EHBP1: variants seen among roughly 807,000 people sequenced by gnomAD.
The protein encoded by EHBP1 is EH domain-binding protein 1.
EHBP1 carries 55 observed loss-of-function variants against 144.0 expected under a neutral mutation model. The observed-to-expected ratio is 0.38, with a 90% confidence interval of 0.31 to 0.48. The LOEUF is 0.48. Ranked by LOEUF, EHBP1 falls within the 20% of genes least tolerant of loss-of-function variation. The pLI is 0.98. For synonymous variants in EHBP1, 469 were observed against 472.7 expected, an observed-to-expected ratio of 0.99 and a Z score of 0.10; for missense variants, 1,200 against 1,364.2, an observed-to-expected ratio of 0.88 and a Z score of 1.90.
chr2:62,806,126 T>G (rs2044437852), intron 5 of EHBP1, among the ~76,000 whole-genome samples: 1 of 152,104 alleles, frequency 6.6e-6, no homozygotes. Flanking sequence ...AGTACAGGCA[T>G]GTACCACCAT....
At chr2:63,038,224 G>C (rs1259397043) in intron 20 of EHBP1, among the ~76,000 whole-genome samples, 1 of 152,038 alleles carries the variant, frequency 6.6e-6, no homozygotes, top group Non-Finnish European at 1.5e-5. Flanking sequence ...ATGCCACCTA[G>C]CGTGAGAATG....
At chr2:62,909,623 G>A (rs2054051626) in intron 10 of EHBP1, among the ~76,000 whole-genome samples, 2 of 152,234 alleles carry the variant, frequency 1.3e-5, no homozygotes, top group South Asian at 4.1e-4. Context: ...AGGTGGAAAT[G>A]TCAGCTGGCA....
chr2:62,906,282 A>G (rs901850582), intron 10 of EHBP1, among the ~76,000 whole-genome samples: 2 of 151,042 alleles, frequency 1.3e-5, no homozygotes, highest in African/African-American at 4.9e-5. Context: ...GTGTCCGTCT[A>G]TTTTCAGACT....
chr2:63,045,129 T>C lies in EHBP1; in HGVS notation c.3341T>C (p.Leu1114Pro). The C allele has an allele frequency of 6.3e-7, 1 of 1,598,078 alleles. No homozygotes were observed. The highest frequency in any genetic ancestry group is 1.3e-5 in the African/African-American group (1 of 74,720). ...EQLLLDELVA[L>P]VNKRDALVRD... ...CTTCTGCTAGATGAGCTGGTGGCCC[T>C]GGTGAACAAGCGCGATGCGCTCGTC... The change falls in exon 22 of 23, where the codon CTG (leucine) becomes CCG (proline). Residue 1114 changes from leucine (L) to proline (P), a missense_variant. By Grantham distance (98) the Leu-to-Pro change is moderately conservative (BLOSUM62 -3). This residue lies in a region of EHBP1 where 149 missense variants were observed against 217.0 expected (regional missense o/e 0.69). Transcript: ENST00000431489. The surrounding 1 kb of genome is among the most constrained non-coding windows in gnomAD (Gnocchi z 5.7).
intron 10 of EHBP1, among the ~76,000 whole-genome samples, chr2:62,883,704 C>T (rs1573889507): frequency 6.6e-6 from 1 of 152,316 alleles, no homozygotes; most frequent in East Asian, 1.9e-4. Flanking sequence ...TGGCTGATGC[C>T]TGTCATACCA....
At chr2:62,719,193 G>C (rs375896005) in intron 2 of EHBP1, among the ~76,000 whole-genome samples, 2 of 151,872 alleles carry the variant, frequency 1.3e-5, no homozygotes, top group East Asian at 3.9e-4. Context: ...TCTTGAACAC[G>C]GGTCTGAAGT....
exon 1 of EHBP1, chr2:62,673,921 C>CT (rs2033194025): frequency 2.4e-6 from 1 of 416,956 alleles, no homozygotes; most frequent in Admixed American, 2.9e-5. Flanking sequence ...CAGCGAGAGA[C>CT]TGGGGATTTG....
chr2:62,743,887 G>A (rs1415532264), intron 2 of EHBP1, among the ~76,000 whole-genome samples: 1 of 151,988 alleles, frequency 6.6e-6, no homozygotes, highest in Non-Finnish European at 1.5e-5. Flanking sequence ...CCTCACTGCT[G>A]TCTCCTGTCC....
chr2:62,782,418 GT>G (rs1180549355), intron 5 of EHBP1, among the ~76,000 whole-genome samples: 3 of 152,078 alleles, frequency 2.0e-5, no homozygotes, highest in African/African-American at 7.2e-5. Flanking sequence ...TGTATTGTAA[GT>G]TTTTTTCTCG....
intron 13 of EHBP1, among the ~76,000 whole-genome samples, chr2:62,950,846 C>T (rs182012830): frequency 4.2e-4 from 64 of 152,160 alleles, no homozygotes; most frequent in South Asian, 8.3e-4. Context: ...CCACCACACC[C>T]GGCTAATTTT....
At position 62,680,675 on chromosome 2, in the gene EHBP1, G is replaced by T. The variant is rs1007215408; in HGVS notation, c.-296+6592G>T. ...CAGAAATATGGGTTCTTCTAGGAGT[G>T]AAGAGAACTCCCTTTAAGAGAGCTA... On this transcript the variant is annotated intron_variant, in intron 1 of 22. Coordinates refer to the EHBP1 transcript ENST00000405015. 7.2e-5 allele frequency among the ~76,000 whole-genome samples: 11 copies of T among 152,262 alleles called. No homozygotes were observed. In the East Asian group the frequency reaches 2.1e-3, roughly 29 times the overall value.
intron 1 of EHBP1, among the ~76,000 whole-genome samples, chr2:62,680,577 A>G (rs1460944283): frequency 6.6e-6 from 1 of 152,180 alleles, no homozygotes; most frequent in East Asian, 1.9e-4. Flanking sequence ...TCATTTCAAA[A>G]TCAGTTTTGC....
chr2:62,871,289 T>G (rs898610021), intron 9 of EHBP1, among the ~76,000 whole-genome samples: 14 of 152,214 alleles, frequency 9.2e-5, no homozygotes, highest in African/African-American at 3.1e-4. Flanking sequence ...AATGCCTTAA[T>G]AAAAACTAAA....
intron 10 of EHBP1, among the ~76,000 whole-genome samples, chr2:62,901,034 A>G (rs2053373218): frequency 6.6e-6 from 1 of 152,170 alleles, no homozygotes; most frequent in Non-Finnish European, 1.5e-5. Flanking sequence ...ACTATATTTT[A>G]TAGAAAGTAT....
chr2:63,037,425 T>C lies in EHBP1; in HGVS notation c.3104-110T>C, dbSNP rs1488875908. On this transcript the variant is annotated intron_variant, in intron 19 of 22. Coordinates refer to ENST00000431489, the MANE Select transcript of EHBP1 (RefSeq NM_001142616.3). Reference sequence around the variant, plus strand: ...ACCTTCTTATAAGCAGTTTAATATATAGTATTAGAATAAGTAAAATGTTTT... The same window carrying C: ...ACCTTCTTATAAGCAGTTTAATATACAGTATTAGAATAAGTAAAATGTTTT... 5 of 670,928 alleles carry C rather than the reference T, an allele frequency of 7.5e-6. No individual in the cohort carries two copies. The African/African-American group carries it at 7.5e-5, about 10-fold the overall frequency. 41.6% of individuals were successfully genotyped at this position (670,928 alleles called of 1,614,324 possible).
At chr2:62,983,821 C>CTCA (rs2059075533) in intron 15 of EHBP1, among the ~76,000 whole-genome samples, 1 of 152,194 alleles carries the variant, frequency 6.6e-6, no homozygotes, top group African/African-American at 2.4e-5. Flanking sequence ...GGATTACAGG[C>CTCA]GTGAGCCACT....
intron 7 of EHBP1, 147 bp downstream of exon 7, chr2:62,831,305 T>C (rs1293022965): frequency 6.8e-6 from 5 of 739,174 alleles, no homozygotes; most frequent in Non-Finnish European, 1.0e-5. Context: ...ACCATTTAGT[T>C]CTCTGACAAC....
intron 10 of EHBP1, among the ~76,000 whole-genome samples, chr2:62,892,136 A>G (rs1010575518): frequency 9.9e-5 from 15 of 152,186 alleles, no homozygotes; most frequent in Admixed American, 5.2e-4. Context: ...TTACATCACA[A>G]TTTCCAAATT....
At chr2:62,880,369 A>G (rs2051300426) in intron 10 of EHBP1, among the ~76,000 whole-genome samples, 1 of 151,562 alleles carries the variant, frequency 6.6e-6, no homozygotes, top group Admixed American at 6.6e-5. Context: ...AAGAAAATTG[A>G]TAAATGAGAC....
Sources: gnomAD v4.1 joint callset for allele counts (sites outside exome capture counted in the v4.1 genomes callset) on GRCh38, gnomAD v4.1.1 for gene constraint, gnomAD v4.1.1 regional missense constraint, Gnocchi (gnomAD v3.1) non-coding constraint, MANE v1.5 for transcripts, NCBI Gene and HGNC (gene_info 2026-07-23, HGNC 2026-07-21) for gene names.